SGIP1: variants seen among roughly 807,000 people sequenced by gnomAD.
SGIP1 encodes the protein SH3GL interacting endocytic adaptor 1.
A neutral mutation model predicts 107.5 loss-of-function variants in SGIP1; 38 were observed. The observed-to-expected ratio is 0.35, with a 90% CI of 0.27 to 0.46. The LOEUF (loss-of-function observed/expected upper bound fraction) is 0.46, where lower values mean the gene tolerates loss of function less well. SGIP1 is among the 20% of genes least tolerant of loss of function. The pLI, the probability that SGIP1 is intolerant of heterozygous loss-of-function variation, is 1.00. For missense variants in SGIP1, 929 were observed against 1,019.5 expected, an observed-to-expected ratio of 0.91 and a Z score of 1.21; for synonymous variants, 365 against 366.1, an observed-to-expected ratio of 1.00 and a Z score of 0.03.
intron 8 of SGIP1, among the ~76,000 whole-genome samples, chr1:66,661,613 A>G (rs557400668): frequency 6.6e-6 from 1 of 152,374 alleles, no homozygotes; most frequent in East Asian, 1.9e-4. Flanking sequence ...TGAGTAATTC[A>G]GAGTCAACTA....
At chr1:66,678,442 A>G (rs2085876954) in intron 13 of SGIP1, among the ~76,000 whole-genome samples, 2 of 152,152 alleles carry the variant, frequency 1.3e-5, no homozygotes, top group Admixed American at 1.3e-4. Context: ...TAAGTTTTCT[A>G]TTTTAGCTTA....
chr1:66,615,101 A>G (rs1033372816), intron 1 of SGIP1, among the ~76,000 whole-genome samples: 2 of 151,736 alleles, frequency 1.3e-5, no homozygotes, highest in Non-Finnish European at 2.9e-5. Context: ...GATTACAGGC[A>G]GGAGCCTCTG....
chr1:66,551,199 C>T (rs1023646229), intron 1 of SGIP1, among the ~76,000 whole-genome samples: 1 of 152,088 alleles, frequency 6.6e-6, no homozygotes, highest in Non-Finnish European at 1.5e-5. Context: ...TGTAGTTTCT[C>T]ATATTTTACT....
chr1:66,551,132 G>T (rs993484853), intron 1 of SGIP1, among the ~76,000 whole-genome samples: 1 of 152,126 alleles, frequency 6.6e-6, no homozygotes, highest in Non-Finnish European at 1.5e-5. Flanking sequence ...TGATGAAGAG[G>T]TAATGAAACT....
intron 4 of SGIP1, among the ~76,000 whole-genome samples, chr1:66,639,184 A>AT (rs1260892088): frequency 6.6e-6 from 1 of 152,188 alleles, no homozygotes; most frequent in Non-Finnish European, 1.5e-5. Flanking sequence ...CTCAAATTCT[A>AT]TTTTTAAAAT....
intron 4 of SGIP1, among the ~76,000 whole-genome samples, chr1:66,638,590 G>A (rs542513153): frequency 6.6e-6 from 1 of 152,116 alleles, no homozygotes; most frequent in Non-Finnish European, 1.5e-5. Context: ...GGAAGAAAGA[G>A]GGGATGAACA....
At chr1:66,742,923 A>T in intron 24 of SGIP1, 150 bp from the exon 25 acceptor site, 1 of 706,472 alleles carries the variant, frequency 1.4e-6, no homozygotes, top group East Asian at 2.8e-5. Flanking sequence ...TGATTTGGAA[A>T]CTTTATGTAT....
At position 66,744,548 on chromosome 1, in the gene SGIP1, T is replaced by C. The variant is rs191195734; in HGVS notation, c.*1453T>C. ...TATTAAATAGCTGTAATTATTAAGTTATTATTTTTATAATTAGTTGTTAAA... is the reference window on the plus strand; with the variant it reads ...TATTAAATAGCTGTAATTATTAAGTCATTATTTTTATAATTAGTTGTTAAA... On this transcript the variant is annotated 3_prime_UTR_variant, in exon 25 of 25. Transcript: ENST00000371037. 5.3e-5 allele frequency: 8 copies of C among 152,120 alleles called. No individual in the cohort carries two copies. Among genetic ancestry groups the C allele is most frequent in the African/African-American group, 1.9e-4 (8 of 41,474 alleles). The allele number at this position is 152,120 out of a possible 1,614,324, so 9.4% of individuals were successfully genotyped here.
At chr1:66,611,930 T>C (rs373062246) in intron 1 of SGIP1, among the ~76,000 whole-genome samples, 3 of 152,190 alleles carry the variant, frequency 2.0e-5, no homozygotes, top group East Asian at 1.9e-4. Flanking sequence ...GAAAATTAAA[T>C]GTTACAGAAT....
chr1:66,658,447 G>T (rs1557488284), intron 7 of SGIP1, among the ~76,000 whole-genome samples: 1 of 152,138 alleles, frequency 6.6e-6, no homozygotes, highest in African/African-American at 2.4e-5. Flanking sequence ...TTATGGAGCT[G>T]GTGAAAGAAA....
chr1:66,731,165 T>A (rs1440764736), intron 20 of SGIP1, among the ~76,000 whole-genome samples: 2 of 152,170 alleles, frequency 1.3e-5, no homozygotes, highest in African/African-American at 4.8e-5. Context: ...CATTCATCCA[T>A]CTCCCCCACA....
rs2074536818 is a variant in SGIP1 at position 66,631,087 on chromosome 1, GAAAGAAAGAA to G, written c.75-1981_75-1972del. ...AGAAAGAAAGAAAGAAAGAAAGAAA[GAAAGAAAGAA>G]AGAAAAAAAGAAAGACTGACTCAGT... is the stretch of plus-strand genomic sequence containing the variant. On this transcript the variant is annotated intron_variant, in intron 2 of 24. Transcript: ENST00000371037. 2.2e-5 allele frequency among the ~76,000 whole-genome samples: 3 copies of G among 135,224 alleles called. No individual in the cohort carries two copies. In the Admixed American group the frequency reaches 2.3e-4, roughly 10 times the overall value. 88.7% of individuals were successfully genotyped at this position (135,224 alleles called of 152,430 possible).
At chr1:66,739,747 G>C (rs917837978) in intron 22 of SGIP1, among the ~76,000 whole-genome samples, 3 of 152,200 alleles carry the variant, frequency 2.0e-5, no homozygotes, top group Non-Finnish European at 4.4e-5. Context: ...AGTGCTAAAG[G>C]AACAGGCTGG....
At chr1:66,546,730 G>C (rs78413525) in intron 1 of SGIP1, among the ~76,000 whole-genome samples, 7,144 of 152,250 alleles carry the variant, frequency 0.047, 269 homozygotes, top group Non-Finnish European at 0.067. Context: ...TTTAAATAAG[G>C]CTTTAACATT....
chr1:66,667,685 T>A (rs1337363576), intron 9 of SGIP1, 144 bp downstream of exon 9: 1 of 741,012 alleles, frequency 1.3e-6, no homozygotes, highest in Admixed American at 2.0e-5. Flanking sequence ...TGAAAGCCTC[T>A]GACCCTCTTA....
intron 1 of SGIP1, among the ~76,000 whole-genome samples, chr1:66,564,947 C>A (rs573615231): frequency 6.6e-6 from 1 of 151,776 alleles, no homozygotes; most frequent in African/African-American, 2.4e-5. Context: ...TTACAATAAC[C>A]CTGTGGGGCT....
At chr1:66,670,743 A>T (rs1003249112) in intron 9 of SGIP1, among the ~76,000 whole-genome samples, 5 of 152,170 alleles carry the variant, frequency 3.3e-5, no homozygotes, top group Non-Finnish European at 4.4e-5. Flanking sequence ...AAATCTACCC[A>T]GGTAAGGGGT....
In SGIP1 at chr1:66,677,000, C is replaced by G. The variant is rs765453939; in HGVS notation, c.647-4C>G. 6.3e-7 allele frequency: 1 copy of G among 1,597,762 alleles called. No individual in the cohort carries two copies. The highest frequency in any genetic ancestry group is 2.2e-5 in the East Asian group (1 of 44,764). ...CCCTGGGAAATCTTCTTTTTTGTTT[C>G]CAGTTCTTTTAGATCAGCCTGAGAT... On this transcript the variant is annotated splice_polypyrimidine_tract_variant and splice_region_variant and intron_variant, in intron 12 of 24. Coordinates refer to ENST00000371037, the MANE Select transcript of SGIP1 (RefSeq NM_032291.4).
rs1394206785 is a variant in SGIP1 at position 66,748,758 on chromosome 1, T to G, written c.*5663T>G. On this transcript the variant is annotated 3_prime_UTR_variant, in exon 25 of 25. Coordinates refer to ENST00000371037, the MANE Select transcript of SGIP1 (RefSeq NM_032291.4). ...GCTATGCTCACCAATATTCCAGTAT[T>G]TTACAAATTGTGTTCTGGAAGATGT... is the stretch of plus-strand genomic sequence containing the variant. Among the ~76,000 whole-genome samples, 7 of 152,004 alleles carry G rather than the reference T, an allele frequency of 4.6e-5. No individual in the cohort carries two copies. Among genetic ancestry groups the G allele is most frequent in the Non-Finnish European group, 7.4e-5 (5 of 67,870 alleles).
Sources: gnomAD v4.1 joint callset for allele counts (sites outside exome capture counted in the v4.1 genomes callset) on GRCh38, gnomAD v4.1.1 for gene constraint, MANE v1.5 for transcripts, NCBI Gene and HGNC (gene_info 2026-07-23, HGNC 2026-07-21) for gene names.